The following LEMD3 variants were observed in gnomAD, a reference collection of about 807,000 sequenced individuals.
LEMD3 encodes the protein inner nuclear membrane protein Man1.
LEMD3 carries 33 observed loss-of-function variants against 95.2 expected under a neutral mutation model. The observed-to-expected ratio is 0.35, with a 90% CI of 0.26 to 0.46. LEMD3 has a LOEUF of 0.46. LEMD3 is among the 20% of genes least tolerant of loss of function. LEMD3 has a pLI of 1.00. For synonymous variants in LEMD3, 525 were observed against 474.6 expected (o/e 1.11, Z -1.38); for missense variants, 1,210 against 1,192.8 (o/e 1.01, Z -0.21).
rs189087198 is a variant in LEMD3 at position 65,234,382 on chromosome 12, T to G, written c.1696-4120T>G. ...TGAATAATAAAACAGTTTAAACTGT[T>G]AAAATCAGGTATATGCTATGTATGC... On this transcript the variant is annotated intron_variant, in intron 4 of 12. Coordinates refer to ENST00000308330, the MANE Select transcript of LEMD3 (RefSeq NM_014319.5). Among the ~76,000 whole-genome samples the G allele has an allele frequency of 1.2e-3, 178 of 152,338 alleles. 1 individual carries two copies. The highest frequency in any genetic ancestry group is 0.011 in the Admixed American group (171 of 15,298).
At chr12:65,215,289 GTTCCCTCC>G (rs1380346806) in intron 2 of LEMD3, among the ~76,000 whole-genome samples, 1 of 152,004 alleles carries the variant, frequency 6.6e-6, no homozygotes, top group Non-Finnish European at 1.5e-5. Flanking sequence ...CATAAATTCT[GTTCCCTCC>G]TTCCCTCCTT....
intron 1 of LEMD3, among the ~76,000 whole-genome samples, chr12:65,209,756 T>C (rs546032937): frequency 7.9e-4 from 121 of 152,220 alleles, no homozygotes; most frequent in Admixed American, 1.8e-3. Context: ...ATACATTTTT[T>C]TTTCCTTGCT....
At chr12:65,192,874 A>G (rs1201922182) in intron 1 of LEMD3, among the ~76,000 whole-genome samples, 1 of 152,216 alleles carries the variant, frequency 6.6e-6, no homozygotes, top group Non-Finnish European at 1.5e-5. Flanking sequence ...CAGATTTTGG[A>G]AACTGGTTTT....
intron 4 of LEMD3, among the ~76,000 whole-genome samples, chr12:65,224,451 TC>T (rs1870387966): frequency 6.6e-6 from 1 of 152,262 alleles, no homozygotes; most frequent in South Asian, 2.1e-4. Context: ...AATGGAAAAT[TC>T]CAGAAATAAA....
In LEMD3 at chr12:65,170,072, G is replaced by A; in HGVS notation, c.476G>A (p.Arg159Lys). 6.7e-7 allele frequency: 1 copy of A among 1,487,570 alleles called. No homozygotes were observed. 92.1% of individuals were successfully genotyped at this position (1,487,570 alleles called of 1,614,324 possible). A position where few individuals can be genotyped will look rare whatever the true frequency, so the allele number is the denominator to read the frequency against. Residue 159 changes from arginine to lysine, a missense_variant, in exon 1 of 13, where the codon AGG becomes AAG. Transcript: ENST00000308330. Reference sequence around the variant, plus strand: ...CGGGACCAGGCCGGCGGCGGCGGGAGGAAAGACCGGGCTTCGCTCCAGTAC... The same window carrying A: ...CGGGACCAGGCCGGCGGCGGCGGGAAGAAAGACCGGGCTTCGCTCCAGTAC... ...SPRDQAGGGG[R>K]KDRASLQYRG...
intron 4 of LEMD3, among the ~76,000 whole-genome samples, chr12:65,236,493 G>T (rs1870775710): frequency 6.6e-6 from 1 of 151,866 alleles, no homozygotes; most frequent in South Asian, 2.1e-4. Flanking sequence ...GGAGGTTGCA[G>T]TGAGGCGAGT....
chr12:65,238,330 A>C (rs192509433), intron 4 of LEMD3, among the ~76,000 whole-genome samples, 172 bp from the exon 5 acceptor site: 7 of 152,278 alleles, frequency 4.6e-5, no homozygotes, highest in African/African-American at 1.7e-4. Flanking sequence ...AGTAGTGGGA[A>C]AATGCTAACT....
At position 65,170,093 on chromosome 12, in the gene LEMD3, A is replaced by G; in HGVS notation, c.497A>G (p.Gln166Arg). 6.8e-7 allele frequency: 1 copy of G among 1,471,856 alleles called. No homozygotes were observed. The highest frequency in any genetic ancestry group is 2.5e-5 in the East Asian group (1 of 40,100). 91.2% of individuals were successfully genotyped at this position (1,471,856 alleles called of 1,614,324 possible). A position where few individuals can be genotyped will look rare whatever the true frequency, so the allele number is the denominator to read the frequency against. ...GGGRKDRASLQYRGLKAPPAP... is the reference protein window; with the variant it reads ...GGGRKDRASLRYRGLKAPPAP... ...GGGAGGAAAGACCGGGCTTCGCTCC[A>G]GTACCGCGGGCTCAAAGCGCCGCCG... The change falls in exon 1 of 13, where the codon CAG (glutamine) becomes CGG (arginine). Residue 166 changes from glutamine (Q) to arginine (R), a missense_variant. Transcript: ENST00000308330.
chr12:65,232,727 T>C (rs1870666115), intron 4 of LEMD3, among the ~76,000 whole-genome samples: 1 of 152,192 alleles, frequency 6.6e-6, no homozygotes. Flanking sequence ...AATACATAGT[T>C]TATATTTCCG....
At chr12:65,185,043 C>A (rs779411122) in intron 1 of LEMD3, among the ~76,000 whole-genome samples, 8 of 151,994 alleles carry the variant, frequency 5.3e-5, no homozygotes, top group African/African-American at 1.9e-4. Context: ...AGTAATTACT[C>A]GGGCCTTGGG....
At chr12:65,208,226 G>A (rs1869823018) in intron 1 of LEMD3, among the ~76,000 whole-genome samples, 1 of 152,224 alleles carries the variant, frequency 6.6e-6, no homozygotes, top group Non-Finnish European at 1.5e-5. Flanking sequence ...GTCCAAAAAA[G>A]CAATAGTGAG....
chr12:65,170,403 G>A lies in LEMD3; in HGVS notation c.807G>A (p.Val269=). 1 of 1,614,104 alleles carries A rather than the reference G, an allele frequency of 6.2e-7. No homozygotes were observed. The highest frequency in any genetic ancestry group is 1.7e-5 in the Admixed American group (1 of 60,022). Residue 269 remains valine (V), a synonymous_variant, in exon 1 of 13, where the codon GTG becomes GTA. Coordinates refer to ENST00000308330, the MANE Select transcript of LEMD3 (RefSeq NM_014319.5). ...CAGAGGAAGAGGACGACGACGACGTGGCCTCCAGCAGACAGGTATTAAAGG... is the reference window on the plus strand; with the variant it reads ...CAGAGGAAGAGGACGACGACGACGTAGCCTCCAGCAGACAGGTATTAAAGG... ...SDSEEEDDDD[V]ASSRQVLKDD...
chr12:65,215,797 T>C (rs1435164257), intron 2 of LEMD3, among the ~76,000 whole-genome samples, 180 bp from the exon 3 acceptor site: 1 of 152,110 alleles, frequency 6.6e-6, no homozygotes, highest in Admixed American at 6.6e-5. Flanking sequence ...AGTAATAATT[T>C]AGAGTCTTAG....
At chr12:65,231,435 A>C (rs1312838839) in intron 4 of LEMD3, among the ~76,000 whole-genome samples, 1 of 152,100 alleles carries the variant, frequency 6.6e-6, no homozygotes, top group Non-Finnish European at 1.5e-5. Context: ...CTATAATCTC[A>C]GCACTTTGGG....
chr12:65,241,127 A>C (rs1565800282), intron 9 of LEMD3, 40 bp downstream of exon 9: 1 of 1,553,268 alleles, frequency 6.4e-7, no homozygotes, highest in Non-Finnish European at 8.9e-7. Context: ...TTTTCTTCTA[A>C]TTTTTCAAAA....
At chr12:65,235,341 A>G in intron 4 of LEMD3, among the ~76,000 whole-genome samples, 1 of 152,136 alleles carries the variant, frequency 6.6e-6, no homozygotes, top group East Asian at 1.9e-4. Flanking sequence ...TATTTTGTGT[A>G]ACTTTATTGC....
chr12:65,192,145 A>C (rs758814550), intron 1 of LEMD3, among the ~76,000 whole-genome samples: 2 of 151,720 alleles, frequency 1.3e-5, no homozygotes, highest in Non-Finnish European at 2.9e-5. Flanking sequence ...TAATATGAAG[A>C]ATTCGGTTTT....
intron 1 of LEMD3, among the ~76,000 whole-genome samples, chr12:65,208,857 C>G (rs1869843546): frequency 6.6e-6 from 1 of 152,014 alleles, no homozygotes; most frequent in Admixed American, 6.6e-5. Context: ...ATGTTATACT[C>G]CAGGTATTTT....
chr12:65,225,382 C>G (rs1870416407), intron 4 of LEMD3, among the ~76,000 whole-genome samples: 1 of 152,064 alleles, frequency 6.6e-6, no homozygotes, highest in African/African-American at 2.4e-5. Flanking sequence ...ACCAATATGT[C>G]TGTGTAGACA....
Sources: gnomAD v4.1 joint callset for allele counts (sites outside exome capture counted in the v4.1 genomes callset) on GRCh38, gnomAD v4.1.1 for gene constraint, MANE v1.5 for transcripts, NCBI Gene and HGNC (gene_info 2026-07-23, HGNC 2026-07-21) for gene names.